Variants in CCDC122 observed in about 807,000 individuals in gnomAD.
CCDC122 encodes coiled-coil domain containing 122.
A neutral mutation model predicts 37.0 loss-of-function variants in CCDC122; 38 were observed. The ratio of observed to expected loss-of-function variants is 1.03; its 90% CI spans 0.79 to 1.35. The LOEUF is 1.35. Ranked by LOEUF, CCDC122 falls within the 40% of genes most tolerant of loss-of-function variation. CCDC122 has a pLI of 0.00. For synonymous variants in CCDC122, 83 were observed against 95.6 expected (o/e 0.87, Z 0.77); for missense variants, 305 against 310.0 (o/e 0.98, Z 0.12).
chr13:43,849,597 A>T (rs1953657921), intron 6 of CCDC122, among the ~76,000 whole-genome samples: 1 of 152,212 alleles, frequency 6.6e-6, no homozygotes, highest in Non-Finnish European at 1.5e-5. Flanking sequence ...AAATACAGAC[A>T]AAAAGCCCTA....
chr13:43,829,845 A>G (rs1255619426), intron 3 of CCDC122, among the ~76,000 whole-genome samples: 1 of 151,998 alleles, frequency 6.6e-6, no homozygotes, highest in Non-Finnish European at 1.5e-5. Flanking sequence ...AATGTTCTAA[A>G]CTTTTAAATT....
intron 3 of CCDC122, among the ~76,000 whole-genome samples, chr13:43,831,280 G>A (rs17065110): frequency 0.046 from 6,930 of 151,992 alleles, 301 homozygotes; most frequent in African/African-American, 0.11. Context: ...ATGTGTGTAG[G>A]TCATGCACAG....
intron 6 of CCDC122, among the ~76,000 whole-genome samples, chr13:43,839,184 T>C (rs1403091021): frequency 6.6e-6 from 1 of 152,162 alleles, no homozygotes; most frequent in Non-Finnish European, 1.5e-5. Flanking sequence ...TTCACGAATA[T>C]CACCACAATC....
chr13:43,857,161 G>A (rs964176173), intron 6 of CCDC122, among the ~76,000 whole-genome samples: 1 of 151,988 alleles, frequency 6.6e-6, no homozygotes, highest in African/African-American at 2.4e-5. Context: ...CTTTATTTCT[G>A]ATATTCATGG....
intron 6 of CCDC122, among the ~76,000 whole-genome samples, chr13:43,852,523 A>C (rs1380371396): frequency 6.6e-6 from 1 of 152,106 alleles, no homozygotes; most frequent in African/African-American, 2.4e-5. Context: ...GGAGTCCCTA[A>C]AAGAGATGGG....
At position 43,842,591 on chromosome 13, in the gene CCDC122, A is replaced by T. The variant is rs570937634; in HGVS notation, c.673-5162T>A. Among the ~76,000 whole-genome samples, 666 of 151,976 alleles carry T rather than the reference A, an allele frequency of 4.4e-3. 6 individuals are homozygous for T. Among genetic ancestry groups the T allele is most frequent in the African/African-American group, 0.015 (620 of 41,474 alleles). On this transcript the variant is annotated intron_variant, in intron 6 of 6. Coordinates refer to ENST00000444614, the MANE Select transcript of CCDC122 (RefSeq NM_144974.5). ...ATACTTAGTGGGAATTTTATGGAAC[A>T]ATGTTGAACCTATACATCATTTGAG...
intron 6 of CCDC122, chr13:43,854,057 C>T (rs1953828632): frequency 6.6e-6 from 1 of 152,046 alleles, no homozygotes; most frequent in African/African-American, 2.4e-5. Flanking sequence ...AATTTAACAA[C>T]CTAACATCAC....
chr13:43,875,110 G>A (rs984243219), intron 1 of CCDC122, among the ~76,000 whole-genome samples, 183 bp from the exon 2 acceptor site: 2 of 152,114 alleles, frequency 1.3e-5, no homozygotes, highest in African/African-American at 4.8e-5. Context: ...TAGACATTAA[G>A]GGGTTGGTCT....
chr13:43,848,466 G>A (rs1477961352), intron 6 of CCDC122, among the ~76,000 whole-genome samples: 1 of 151,584 alleles, frequency 6.6e-6, no homozygotes, highest in African/African-American at 2.4e-5. Flanking sequence ...GTTGCTCAAT[G>A]TGTTATATTT....
Position 43,837,121 on chromosome 13 carries a change from G to C in CCDC122, c.*159C>G, listed in dbSNP as rs190808489. The C allele has an allele frequency of 1.2e-4, 78 of 644,466 alleles. No homozygotes were observed. In the East Asian group the frequency reaches 2.1e-3, roughly 17 times the overall value. The allele number at this position is 644,466 out of a possible 1,614,324, so 39.9% of individuals were successfully genotyped here. A position where few individuals can be genotyped will look rare whatever the true frequency, so the allele number is the denominator to read the frequency against. Reference sequence around the variant, plus strand: ...GGGTTAGAAGGCATTTTAACAAATCGATGACTGATTTAAAAAAAACAACAA... The same window carrying C: ...GGGTTAGAAGGCATTTTAACAAATCCATGACTGATTTAAAAAAAACAACAA... On this transcript the variant is annotated 3_prime_UTR_variant, in exon 7 of 7. Coordinates refer to ENST00000444614, the MANE Select transcript of CCDC122 (RefSeq NM_144974.5).
chr13:43,843,818 T>C, intron 6 of CCDC122, among the ~76,000 whole-genome samples: 1 of 61,180 alleles, frequency 1.6e-5, no homozygotes, highest in African/African-American at 4.3e-5. Flanking sequence ...CTTCTTGTGT[T>C]ATAGTATTTT....
downstream of CCDC122, among the ~76,000 whole-genome samples, chr13:43,832,985 G>A (rs1036635166): frequency 2.6e-5 from 4 of 152,084 alleles, no homozygotes; most frequent in Admixed American, 2.6e-4. Context: ...AGTGTTTTTG[G>A]AAAATAGCAT....
At position 43,849,162 on chromosome 13, in the gene CCDC122, T is replaced by C. The variant is rs144648320; in HGVS notation, c.672+9619A>G. 9.1e-3 allele frequency: 6,034 copies of C among 665,380 alleles called. 38 individuals carry two copies. Among genetic ancestry groups the C allele is most frequent in the South Asian group, 0.016 (233 of 14,676 alleles). 41.2% of individuals were successfully genotyped at this position (665,380 alleles called of 1,614,324 possible). ...CAACTTTTAAATGAATTAGAAGTAA[T>C]AGAATTGAAATGAAAAAGTTCAAAA... On this transcript the variant is annotated intron_variant, in intron 6 of 6. Transcript: ENST00000444614.
chr13:43,859,848 C>T lies in CCDC122; in HGVS notation c.379G>A (p.Ala127Thr), dbSNP rs1241481947. ...TGTGCTTTTATTTTTGCATAATATG[C>T]ATTATATTTTATCATGTGTTCCTCA... ...DFEEHMIKYN[A>T]YYAKIKAHKN... The change falls in exon 5 of 7, where the codon GCA becomes ACA. Residue 127 changes from alanine to threonine, a missense_variant. Coordinates refer to ENST00000444614, the MANE Select transcript of CCDC122 (RefSeq NM_144974.5). 1.9e-6 allele frequency: 3 copies of T among 1,607,256 alleles called. No homozygotes were observed. The highest frequency in any genetic ancestry group is 3.4e-5 in the Admixed American group (2 of 58,942).
At chr13:43,819,836 T>G (rs1024005285), downstream of CCDC122, among the ~76,000 whole-genome samples, 9 of 152,202 alleles carry the variant, frequency 5.9e-5, no homozygotes, top group African/African-American at 1.9e-4. Context: ...AATAAAGATT[T>G]TAAAATGTGA....
Position 43,837,388 on chromosome 13 carries a change from A to G in CCDC122, c.714T>C (p.His238=). The change falls in exon 7 of 7, where the codon CAT becomes CAC. Residue 238 remains histidine, a synonymous_variant. Coordinates refer to ENST00000444614, the MANE Select transcript of CCDC122 (RefSeq NM_144974.5). ...TTGACTGAAGCTTGTTCACCTGACA[A>G]TGCAAACGCTTAAGAATTGCATCAT... ...KRYDAILKRL[H]CQVNKLQSNR... is the part of the protein sequence containing the mutation. 2 of 1,614,110 alleles carry G rather than the reference A, an allele frequency of 1.2e-6. No homozygotes were observed. The highest frequency in any genetic ancestry group is 1.7e-6 in the Non-Finnish European group (2 of 1,180,008).
downstream of CCDC122, among the ~76,000 whole-genome samples, chr13:43,823,669 GCCT>G (rs1953012656): frequency 6.6e-6 from 1 of 152,238 alleles, no homozygotes; most frequent in Non-Finnish European, 1.5e-5. Flanking sequence ...TGCTCTGAAA[GCCT>G]CCTCCATGCG....
At position 43,825,584 on chromosome 13, in the gene CCDC122, A is replaced by G. The variant is rs144236652; in HGVS notation, n.602-1573T>C. Reference sequence around the variant, plus strand: ...CAGGAGTTCGAGACCAGCCTGGCCAACATGGCAAAACCTTGTCTCTACTAA... The same window carrying G: ...CAGGAGTTCGAGACCAGCCTGGCCAGCATGGCAAAACCTTGTCTCTACTAA... On this transcript the variant is annotated intron_variant and non_coding_transcript_variant, in intron 3 of 3. Transcript: ENST00000470137. 1.3e-3 allele frequency among the ~76,000 whole-genome samples: 197 copies of G among 152,332 alleles called. 1 individual carries two copies. Among genetic ancestry groups the G allele is most frequent in the African/African-American group, 4.6e-3 (193 of 41,570 alleles).
downstream of CCDC122, among the ~76,000 whole-genome samples, chr13:43,836,131 A>G (rs1305508090): frequency 1.3e-5 from 2 of 152,250 alleles, no homozygotes; most frequent in East Asian, 1.9e-4. Flanking sequence ...CTACAAATGA[A>G]TATTTTAAAA....
Sources: gnomAD v4.1 joint callset for allele counts (sites outside exome capture counted in the v4.1 genomes callset) on GRCh38, gnomAD v4.1.1 for gene constraint, MANE v1.5 for transcripts, NCBI Gene and HGNC (gene_info 2026-07-23, HGNC 2026-07-21) for gene names.